Variants in NUB1 observed in about 807,000 individuals in gnomAD.
NUB1 encodes NEDD8 ultimate buster 1.
Under a neutral mutation model 77.1 loss-of-function variants are expected in NUB1, and 41 were observed. That is an observed-to-expected ratio of 0.53 (90% confidence interval 0.41 to 0.69). The LOEUF (loss-of-function observed/expected upper bound fraction) is 0.69. Ranked by LOEUF, NUB1 falls within the 30% of genes least tolerant of loss-of-function variation. NUB1 has a pLI of 0.00. For synonymous variants in NUB1, 257 were observed against 281.0 expected (o/e 0.91, Z 0.85); for missense variants, 643 against 743.8 (o/e 0.86, Z 1.58).
intron 11 of NUB1, among the ~76,000 whole-genome samples, chr7:151,371,555 G>C (rs1004927009): frequency 3.9e-5 from 6 of 152,128 alleles, no homozygotes; most frequent in Non-Finnish European, 7.4e-5. Context: ...CCCATTCAGG[G>C]GCCACCTGGG....
intron 13 of NUB1, 103 bp from the exon 14 acceptor site, chr7:151,376,531 G>T: frequency 8.9e-7 from 1 of 1,119,562 alleles, no homozygotes; most frequent in Non-Finnish European, 1.3e-6. Flanking sequence ...TGCACACGCC[G>T]GGAGCTCTTA....
Position 151,377,027 on chromosome 7 carries a change from C to T in NUB1, c.1670-20C>T. 1 of 1,521,812 alleles carries T rather than the reference C, an allele frequency of 6.6e-7. No individual in the cohort carries two copies. The highest frequency in any genetic ancestry group is 8.8e-7 in the Non-Finnish European group (1 of 1,133,830). The allele number at this position is 1,521,812 out of a possible 1,614,324, so 94.3% of individuals were successfully genotyped here. A position where few individuals can be genotyped will look rare whatever the true frequency, so the allele number is the denominator to read the frequency against. ...ACAATCCTCACATAATTCACTTACT[C>T]CTGCGGTATTTTATTGTAGGAACCT... On this transcript the variant is annotated intron_variant, in intron 14 of 14. Coordinates refer to ENST00000568733, the MANE Select transcript of NUB1 (RefSeq NM_001243351.2).
rs553325568 is a variant in NUB1 at position 151,376,325 on chromosome 7, C to A, written c.1492-309C>A. The A allele has an allele frequency of 1.1e-4, 51 of 481,442 alleles. No homozygotes were observed. In the South Asian group the frequency reaches 1.1e-3, roughly 11 times the overall value. The allele number at this position is 481,442 out of a possible 1,614,324, so 29.8% of individuals were successfully genotyped here. The stretch of plus-strand genomic sequence containing the variant: ...ATTTGTGCCCCTACACGCGTTAGCA[C>A]GCCTGTATGCTGTGGCCACTGACCT... On this transcript the variant is annotated intron_variant, in intron 13 of 14. Coordinates refer to ENST00000568733, the MANE Select transcript of NUB1 (RefSeq NM_001243351.2).
intron 3 of NUB1, 90 bp downstream of exon 3, chr7:151,349,330 A>G: frequency 2.7e-6 from 3 of 1,107,154 alleles, no homozygotes; most frequent in Non-Finnish European, 3.9e-6. Flanking sequence ...GTTACAATCC[A>G]AAGTCAGAAT....
At chr7:151,348,725 G>A (rs1234154235) in intron 2 of NUB1, among the ~76,000 whole-genome samples, 6 of 151,724 alleles carry the variant, frequency 4.0e-5, no homozygotes, top group Non-Finnish European at 7.4e-5. Context: ...ACAGGCACAC[G>A]CCACCATGCC....
At chr7:151,367,634 C>A (rs1053883613) in intron 9 of NUB1, among the ~76,000 whole-genome samples, 5 of 152,170 alleles carry the variant, frequency 3.3e-5, no homozygotes, top group African/African-American at 1.2e-4. Flanking sequence ...TGTCTGGAGG[C>A]TGGTGCCCTG....
At chr7:151,362,549 G>A (rs1041420560) in intron 8 of NUB1, among the ~76,000 whole-genome samples, 1 of 152,186 alleles carries the variant, frequency 6.6e-6, no homozygotes, top group African/African-American at 2.4e-5. Flanking sequence ...TGACTTCCTG[G>A]CAGTGCAGAA....
chr7:151,376,807 C>A lies in NUB1; in HGVS notation c.1665C>A (p.Ser555=). The change falls in exon 14 of 15, where the codon TCC becomes TCA. Residue 555 remains serine, a synonymous_variant. Coordinates refer to ENST00000568733, the MANE Select transcript of NUB1 (RefSeq NM_001243351.2). ...CGCCAGCCACGTCCCCTTCTGACTCCGCAGGTAGGTCTGAGGTCTTTGAGG... is the reference window on the plus strand; with the variant it reads ...CGCCAGCCACGTCCCCTTCTGACTCAGCAGGTAGGTCTGAGGTCTTTGAGG... The part of the protein sequence containing the change: ...LSPPATSPSD[S]AGTSSASTDE... 3 of 1,581,404 alleles carry A rather than the reference C, an allele frequency of 1.9e-6. No homozygotes were observed. Among genetic ancestry groups the A allele is most frequent in the Non-Finnish European group, 2.6e-6 (3 of 1,164,616 alleles).
chr7:151,368,768 C>A lies in NUB1; in HGVS notation c.1129C>A (p.Pro377Thr). The A allele has an allele frequency of 6.2e-7, 1 of 1,613,740 alleles. No homozygotes were observed. The change falls in exon 11 of 15, where the codon CCA becomes ACA. Residue 377 changes from proline to threonine, a missense_variant. Coordinates refer to ENST00000568733, the MANE Select transcript of NUB1 (RefSeq NM_001243351.2). ...RQLFKELYID[P>T]SKVDNLLQLG... is the part of the protein sequence containing the mutation. ...GCTCTTTAAAGAGCTATATATTGAT[C>A]CATCAAAAGTGGACAATTTGTTGCA...
At chr7:151,372,540 A>T (rs1220531320) in intron 11 of NUB1, among the ~76,000 whole-genome samples, 1 of 152,312 alleles carries the variant, frequency 6.6e-6, no homozygotes, top group Admixed American at 6.5e-5. Flanking sequence ...GGGCCAGTAA[A>T]GGCATTTTAC....
At chr7:151,345,152 T>C (rs1796443075) in intron 1 of NUB1, among the ~76,000 whole-genome samples, 196 bp from the exon 2 acceptor site, 1 of 151,760 alleles carries the variant, frequency 6.6e-6, no homozygotes, top group South Asian at 2.1e-4. Flanking sequence ...TTTATATATG[T>C]AATATATATA....
At position 151,376,688 on chromosome 7, in the gene NUB1, A is replaced by G. The variant is rs1395008149; in HGVS notation, c.1546A>G (p.Arg516Gly). 6.2e-7 allele frequency: 1 copy of G among 1,611,056 alleles called. No individual in the cohort carries two copies. The highest frequency in any genetic ancestry group is 8.5e-7 in the Non-Finnish European group (1 of 1,178,838). ...GGCCGAAGCTGCGCTGAGAGTGTTC[A>G]GAGGCAACGTCCAGCTGGCCGCCCA... ...LVAEAALRVFRGNVQLAAQTL... is the reference protein window; with the variant it reads ...LVAEAALRVFGGNVQLAAQTL... The change falls in exon 14 of 15, where the codon AGA (arginine) becomes GGA (glycine). Residue 516 changes from arginine to glycine, a missense_variant. Arg to Gly is a moderately radical substitution (Grantham distance 125, BLOSUM62 -2). Coordinates refer to ENST00000568733, the MANE Select transcript of NUB1 (RefSeq NM_001243351.2).
chr7:151,367,300 T>C (rs538224048), intron 9 of NUB1, among the ~76,000 whole-genome samples, 175 bp downstream of exon 9: 270 of 152,366 alleles, frequency 1.8e-3, no homozygotes, highest in African/African-American at 6.2e-3. Context: ...CAAATCTGGC[T>C]GTCTCTCTTA....
At chr7:151,364,357 C>T (rs1393068405) in intron 8 of NUB1, among the ~76,000 whole-genome samples, 1 of 148,420 alleles carries the variant, frequency 6.7e-6, no homozygotes, top group African/African-American at 2.5e-5. Context: ...GGAGGCGAAG[C>T]TTGCAGTGAG....
Position 151,377,184 on chromosome 7 carries a change from T to G in NUB1, c.1807T>G (p.Ser603Ala), listed in dbSNP as rs1798339764. Reference protein sequence around the residue: ...DEEIIIAEYLSYVENRKSATK... With the variant: ...DEEIIIAEYLAYVENRKSATK... ...AGAAATTATTATTGCAGAGTACCTA[T>G]CCTATGTAGAAAATAGGAAGTCAGC... Residue 603 changes from serine to alanine, a missense_variant, in exon 15 of 15, where the codon TCC becomes GCC. Transcript: ENST00000568733. 6.3e-7 allele frequency: 1 copy of G among 1,575,482 alleles called. No individual in the cohort carries two copies.
chr7:151,341,963 G>T, intron 1 of NUB1, 117 bp downstream of exon 1: 2 of 1,332,894 alleles, frequency 1.5e-6, no homozygotes, highest in Non-Finnish European at 1.9e-6. Context: ...CCGCGGGGCG[G>T]GGGTGAGCAG....
At chr7:151,362,977 G>T (rs1797454954) in intron 8 of NUB1, among the ~76,000 whole-genome samples, 1 of 152,178 alleles carries the variant, frequency 6.6e-6, no homozygotes, top group African/African-American at 2.4e-5. Context: ...GCATAATTTG[G>T]TTTCACTTAA....
intron 1 of NUB1, among the ~76,000 whole-genome samples, chr7:151,344,634 A>G (rs909590280): frequency 1.3e-5 from 2 of 151,968 alleles, no homozygotes; most frequent in African/African-American, 2.4e-5. Context: ...TTTATTATCG[A>G]TAGTTTACAG....
intron 12 of NUB1, 65 bp downstream of exon 12, chr7:151,374,308 C>T: frequency 2.0e-6 from 3 of 1,521,722 alleles, no homozygotes; most frequent in Non-Finnish European, 2.7e-6. Flanking sequence ...GAGCTCCCTC[C>T]ATGGCTCTCC....
Sources: gnomAD v4.1 joint callset for allele counts (sites outside exome capture counted in the v4.1 genomes callset) on GRCh38, gnomAD v4.1.1 for gene constraint, MANE v1.5 for transcripts, NCBI Gene and HGNC (gene_info 2026-07-23, HGNC 2026-07-21) for gene names.